The following NTNG1 variants were observed in gnomAD, a reference collection of about 807,000 sequenced individuals.
NTNG1 encodes the protein netrin G1, also known as netrin-G1.
In NTNG1, 16 loss-of-function variants were observed where a neutral mutation model predicts 54.0. That is an observed-to-expected ratio of 0.30 (90% CI 0.20 to 0.45). The LOEUF (loss-of-function observed/expected upper bound fraction) is 0.45, where lower values mean the gene tolerates loss of function less well. NTNG1 is among the 20% of genes least tolerant of loss of function. The pLI is 1.00. For missense variants in NTNG1, 530 were observed against 678.7 expected, an observed-to-expected ratio of 0.78 and a Z score of 2.43; for synonymous variants, 255 against 263.1, an observed-to-expected ratio of 0.97 and a Z score of 0.30.
At chr1:107,439,530 G>T (rs1436017449) in intron 7 of NTNG1, among the ~76,000 whole-genome samples, 2 of 152,110 alleles carry the variant, frequency 1.3e-5, no homozygotes, top group African/African-American at 4.8e-5. Flanking sequence ...GTAAAGAAAA[G>T]AATGGAATGG....
chr1:107,462,594 G>T (rs1307021274), intron 7 of NTNG1, among the ~76,000 whole-genome samples: 2 of 152,152 alleles, frequency 1.3e-5, no homozygotes, highest in African/African-American at 2.4e-5. Flanking sequence ...TACATTTAAT[G>T]GCGTATCAAC....
At chr1:107,391,077 G>A (rs1010465556) in intron 3 of NTNG1, among the ~76,000 whole-genome samples, 2 of 152,176 alleles carry the variant, frequency 1.3e-5, no homozygotes, top group African/African-American at 2.4e-5. Context: ...CCTGATCAAA[G>A]AGGTAGGAAT....
intron 6 of NTNG1, among the ~76,000 whole-genome samples, chr1:107,436,038 G>A (rs1675573789): frequency 6.6e-6 from 1 of 152,108 alleles, no homozygotes; most frequent in South Asian, 2.1e-4. Context: ...TAACTATGTT[G>A]AAAATTATTT....
At position 107,406,686 on chromosome 1, in the gene NTNG1, A is replaced by G. The variant is rs528811606; in HGVS notation, c.1061-996A>G. The stretch of plus-strand genomic sequence containing the variant: ...GTTGCTTGGTGAATGAGCTATAACA[A>G]TAATAGTAATCATCGCAAAGATGGA... On this transcript the variant is annotated intron_variant, in intron 4 of 7. Coordinates refer to ENST00000370068, the MANE Select transcript of NTNG1 (RefSeq NM_001113226.3). 1.8e-4 allele frequency among the ~76,000 whole-genome samples: 28 copies of G among 152,270 alleles called. No individual in the cohort carries two copies. In the East Asian group the frequency reaches 5.4e-3, roughly 29 times the overall value.
chr1:107,363,294 C>T (rs1452987139), intron 3 of NTNG1, among the ~76,000 whole-genome samples: 1 of 152,012 alleles, frequency 6.6e-6, no homozygotes, highest in African/African-American at 2.4e-5. Flanking sequence ...TGCTGTATTC[C>T]TAGGGAGGGA....
chr1:107,330,136 A>T (rs1219342460), intron 3 of NTNG1, among the ~76,000 whole-genome samples: 1 of 152,066 alleles, frequency 6.6e-6, no homozygotes, highest in Non-Finnish European at 1.5e-5. Context: ...CATGTTAAGG[A>T]ACTCCAAGCA....
At chr1:107,353,326 A>C (rs935081618) in intron 3 of NTNG1, among the ~76,000 whole-genome samples, 15 of 152,118 alleles carry the variant, frequency 9.9e-5, no homozygotes, top group African/African-American at 3.6e-4. Context: ...GCTGCTTAGA[A>C]ATTTATTTTG....
At chr1:107,323,787 A>T (rs77733450) in intron 2 of NTNG1, among the ~76,000 whole-genome samples, 2 of 147,594 alleles carry the variant, frequency 1.4e-5, no homozygotes, top group Admixed American at 1.4e-4. Flanking sequence ...CCAAAAAAAA[A>T]GGCTGAATGT....
chr1:107,305,411 T>A (rs1666623741), intron 2 of NTNG1, among the ~76,000 whole-genome samples: 1 of 152,216 alleles, frequency 6.6e-6, no homozygotes, highest in Non-Finnish European at 1.5e-5. Context: ...GTTTCCTGAC[T>A]TCTTAATGAT....
In NTNG1 at chr1:107,332,057, G is replaced by A. The variant is rs572682051; in HGVS notation, c.887+7135G>A. ...AAACATTTAGAATAAAGACTTTATCGTATGCACCCATTGTAAGTGGACAAC... is the reference window on the plus strand; with the variant it reads ...AAACATTTAGAATAAAGACTTTATCATATGCACCCATTGTAAGTGGACAAC... On this transcript the variant is annotated intron_variant, in intron 3 of 7. Coordinates refer to ENST00000370068, the MANE Select transcript of NTNG1 (RefSeq NM_001113226.3). 3.9e-5 allele frequency among the ~76,000 whole-genome samples: 6 copies of A among 152,008 alleles called. No homozygotes were observed. In the East Asian group the frequency reaches 5.8e-4, roughly 15 times the overall value.
At chr1:107,389,442 A>G (rs1672226482) in intron 3 of NTNG1, among the ~76,000 whole-genome samples, 1 of 152,236 alleles carries the variant, frequency 6.6e-6, no homozygotes. Context: ...AAAATGAGGC[A>G]GACGGTATAG....
intron 3 of NTNG1, among the ~76,000 whole-genome samples, chr1:107,331,063 G>A (rs1668242326): frequency 6.6e-6 from 1 of 152,044 alleles, no homozygotes; most frequent in Non-Finnish European, 1.5e-5. Flanking sequence ...TGTGAGGCAG[G>A]TGTTGGTTAA....
chr1:107,480,276 A>T (rs1251189671), intron 7 of NTNG1, among the ~76,000 whole-genome samples: 2 of 152,300 alleles, frequency 1.3e-5, no homozygotes, highest in South Asian at 4.2e-4. Flanking sequence ...AACCCAAAAG[A>T]TCACAACAGG....
intron 2 of NTNG1, among the ~76,000 whole-genome samples, chr1:107,312,313 G>A (rs1380670665): frequency 1.3e-5 from 2 of 152,094 alleles, no homozygotes; most frequent in Non-Finnish European, 2.9e-5. Context: ...GAAGAATTTG[G>A]TATTACTCTC....
At chr1:107,180,181 C>T (rs10748501) in intron 2 of NTNG1, among the ~76,000 whole-genome samples, 120,102 of 152,110 alleles carry the variant, frequency 0.79, 47,825 homozygotes, top group Middle Eastern at 0.87. Flanking sequence ...AAAATGTATT[C>T]GTGTTCCTAT....
chr1:107,446,398 T>C (rs1676308595), intron 7 of NTNG1, among the ~76,000 whole-genome samples: 1 of 152,154 alleles, frequency 6.6e-6, no homozygotes, highest in South Asian at 2.1e-4. Flanking sequence ...CATGTTGGTG[T>C]AAGGGATCAT....
In NTNG1 at chr1:107,345,111, G is replaced by A. The variant is rs533004292; in HGVS notation, c.887+20189G>A. ...AATTCCAAGAGAGACTAGGGATCAC[G>A]TCGTCTTGTAGGTCTGACCATGAAA... On this transcript the variant is annotated intron_variant, in intron 3 of 7. Transcript: ENST00000370068. Among the ~76,000 whole-genome samples, 5 of 152,232 alleles carry A rather than the reference G, an allele frequency of 3.3e-5. No individual in the cohort carries two copies. In the South Asian group the frequency reaches 8.3e-4, roughly 25 times the overall value.
At chr1:107,459,357 C>A (rs1677139043) in intron 7 of NTNG1, among the ~76,000 whole-genome samples, 2 of 152,088 alleles carry the variant, frequency 1.3e-5, no homozygotes, top group African/African-American at 4.8e-5. Context: ...TTATGCTATT[C>A]ATTCAGCCTG....
intron 2 of NTNG1, among the ~76,000 whole-genome samples, chr1:107,166,778 C>G (rs761875137): frequency 6.6e-6 from 1 of 151,870 alleles, no homozygotes; most frequent in African/African-American, 2.4e-5. Context: ...ACATACCAGA[C>G]CCTTGGATTG....
Sources: gnomAD v4.1 joint callset for allele counts (sites outside exome capture counted in the v4.1 genomes callset) on GRCh38, gnomAD v4.1.1 for gene constraint, MANE v1.5 for transcripts, NCBI Gene and HGNC (gene_info 2026-07-23, HGNC 2026-07-21) for gene names.